Variants in NSMAF observed in about 807,000 individuals in gnomAD.
NSMAF encodes the protein protein FAN.
In NSMAF, 90 loss-of-function variants were observed where a neutral mutation model predicts 134.9. The ratio of observed to expected loss-of-function variants is 0.67; its 90% CI spans 0.56 to 0.79. NSMAF has a LOEUF of 0.79. NSMAF is among the 30% of genes least tolerant of loss of function. The pLI is 0.00. For synonymous variants in NSMAF, 358 were observed against 389.6 expected (o/e 0.92, Z 0.96); for missense variants, 1,010 against 1,119.0 (o/e 0.90, Z 1.39).
At chr8:58,616,143 C>G (rs978748165) in intron 9 of NSMAF, among the ~76,000 whole-genome samples, 1 of 152,054 alleles carries the variant, frequency 6.6e-6, no homozygotes, top group African/African-American at 2.4e-5. Flanking sequence ...TAAATGGAAT[C>G]CCAAAGGACA....
chr8:58,618,002 TC>T (rs1166192049), intron 9 of NSMAF, among the ~76,000 whole-genome samples: 1 of 152,182 alleles, frequency 6.6e-6, no homozygotes, highest in African/African-American at 2.4e-5. Context: ...TGAGTTCATG[TC>T]CTTTGCAGGG....
chr8:58,585,515 G>A (rs1470634243), intron 30 of NSMAF, 137 bp downstream of exon 30: 22 of 633,534 alleles, frequency 3.5e-5, no homozygotes, highest in Non-Finnish European at 5.6e-5. Context: ...CAATCAAGAG[G>A]CTCCAGGGAC....
chr8:58,632,982 C>A (rs1807089967), intron 5 of NSMAF, among the ~76,000 whole-genome samples: 1 of 152,218 alleles, frequency 6.6e-6, no homozygotes, highest in African/African-American at 2.4e-5. Flanking sequence ...GACCACCTCT[C>A]ACCATCGTGG....
At chr8:58,659,230 T>G (rs1199774140) in intron 1 of NSMAF, 1 of 1,486,640 alleles carries the variant, frequency 6.7e-7, no homozygotes, top group Non-Finnish European at 8.9e-7. Context: ...CGTGCCGGGA[T>G]CCACGCCCGG....
intron 23 of NSMAF, among the ~76,000 whole-genome samples, chr8:58,591,525 TGCCCAG>T (rs1806024250): frequency 2.0e-5 from 3 of 148,454 alleles, no homozygotes; most frequent in African/African-American, 7.6e-5. Flanking sequence ...ATCACTCTGT[TGCCCAG>T]GCTGGAGTGC....
At chr8:58,604,235 C>T (rs1020162563) in intron 12 of NSMAF, among the ~76,000 whole-genome samples, 3 of 152,086 alleles carry the variant, frequency 2.0e-5, no homozygotes, top group African/African-American at 7.2e-5. Flanking sequence ...ACTTTTGAAA[C>T]CCCTCAGAAA....
chr8:58,590,295 A>G (rs1051477707), intron 24 of NSMAF, among the ~76,000 whole-genome samples: 1 of 152,154 alleles, frequency 6.6e-6, no homozygotes, highest in Non-Finnish European at 1.5e-5. Context: ...TTTACGACCT[A>G]GCCTGATGAC....
chr8:58,636,304 A>G (rs1379501486), intron 2 of NSMAF, among the ~76,000 whole-genome samples: 3 of 152,214 alleles, frequency 2.0e-5, no homozygotes, highest in Non-Finnish European at 4.4e-5. Flanking sequence ...CTTTATCCAC[A>G]AATATTTTAG....
chr8:58,602,050 C>A lies in NSMAF; in HGVS notation c.1125+8G>T, dbSNP rs778581615. The stretch of plus-strand genomic sequence containing the variant: ...GCTTAGAAACCAAGAATCTCTAAGT[C>A]CACATACCAGTAGTCTCTCCAGCCG... On this transcript the variant is annotated splice_region_variant and intron_variant, in intron 14 of 30. Transcript: ENST00000038176. 6.2e-7 allele frequency: 1 copy of A among 1,607,080 alleles called. No homozygotes were observed. Among genetic ancestry groups the A allele is most frequent in the Non-Finnish European group, 8.5e-7 (1 of 1,174,678 alleles).
intron 9 of NSMAF, among the ~76,000 whole-genome samples, 195 bp downstream of exon 9, chr8:58,623,025 G>A (rs1165361490): frequency 6.6e-6 from 1 of 152,168 alleles, no homozygotes; most frequent in Non-Finnish European, 1.5e-5. Flanking sequence ...AGACCTTTCT[G>A]ACTGACAGAC....
chr8:58,603,149 A>G, intron 13 of NSMAF, 61 bp downstream of exon 13: 1 of 1,468,748 alleles, frequency 6.8e-7, no homozygotes, highest in Non-Finnish European at 9.5e-7. Context: ...CTGTCCTTTA[A>G]AAACAATACA....
rs548284768 is a variant in NSMAF, at chr8:58,654,284, A to C, written c.59+5289T>G. Among the ~76,000 whole-genome samples, 4 of 152,364 alleles carry C rather than the reference A, an allele frequency of 2.6e-5. No homozygotes were observed. The South Asian group carries it at 8.3e-4, about 32-fold the overall frequency. On this transcript the variant is annotated intron_variant, in intron 1 of 30. Coordinates refer to ENST00000038176, the MANE Select transcript of NSMAF (RefSeq NM_003580.4). ...AAAATAAATATAGACACAATTGATT[A>C]AACAAACATATTGAGTAAAAGAAAG...
intron 1 of NSMAF, among the ~76,000 whole-genome samples, chr8:58,653,569 T>C (rs1049771564): frequency 1.3e-5 from 2 of 151,682 alleles, no homozygotes; most frequent in African/African-American, 4.9e-5. Flanking sequence ...AAAAAATTAC[T>C]AGAAGTAAAG....
At chr8:58,616,404 T>C (rs1806654313) in intron 9 of NSMAF, among the ~76,000 whole-genome samples, 1 of 152,044 alleles carries the variant, frequency 6.6e-6, no homozygotes, top group Admixed American at 6.5e-5. Context: ...TAAGATATCA[T>C]GTTCCCAAAT....
intron 9 of NSMAF, among the ~76,000 whole-genome samples, chr8:58,614,793 A>G (rs1016250181): frequency 2.6e-5 from 4 of 152,150 alleles, no homozygotes; most frequent in African/African-American, 9.7e-5. Flanking sequence ...CACAACACAT[A>G]TCCCTGTCAT....
rs758427213 is a variant in NSMAF at position 58,603,231 on chromosome 8, C to G, written c.1024G>C (p.Asp342His). 1 of 1,614,186 alleles carries G rather than the reference C, an allele frequency of 6.2e-7. No individual in the cohort carries two copies. Among genetic ancestry groups the G allele is most frequent in the Admixed American group, 1.7e-5 (1 of 60,028 alleles). The change falls in exon 13 of 31, where the codon GAT (aspartate) becomes CAT (histidine). Residue 342 changes from aspartate to histidine, a missense_variant. Asp to His is a moderately conservative substitution (Grantham distance 81). Transcript: ENST00000038176. Reference protein sequence around the residue: ...QYPVFPWIIHDYSSSELDLSN... With the variant: ...QYPVFPWIIHHYSSSELDLSN... ...TTACCTAGTTCTGAGCTGGAATAAT[C>G]ATGTATTATCCATGGAAACACAGGG... is the stretch of plus-strand genomic sequence containing the variant.
chr8:58,629,228 C>A (rs1270744149), intron 6 of NSMAF, among the ~76,000 whole-genome samples: 1 of 151,946 alleles, frequency 6.6e-6, no homozygotes, highest in African/African-American at 2.4e-5. Context: ...CTTTTTCATT[C>A]TTTTTTCTCT....
chr8:58,641,914 T>C (rs1807346773), intron 2 of NSMAF, among the ~76,000 whole-genome samples: 1 of 152,178 alleles, frequency 6.6e-6, no homozygotes, highest in African/African-American at 2.4e-5. Context: ...ATTTTAATAA[T>C]AAACAAGTAC....
intron 9 of NSMAF, among the ~76,000 whole-genome samples, chr8:58,616,293 A>T (rs1806651890): frequency 1.3e-5 from 2 of 152,168 alleles, no homozygotes; most frequent in Non-Finnish European, 2.9e-5. Context: ...AACCTGTACC[A>T]TACCTGACAA....
Sources: allele counts gnomAD v4.1 joint callset (sites outside exome capture counted in the v4.1 genomes callset), GRCh38; gene constraint gnomAD v4.1.1; transcripts MANE v1.5; gene names NCBI Gene and HGNC (gene_info 2026-07-23, HGNC 2026-07-21).